STRN: variants seen among roughly 807,000 people sequenced by gnomAD.
STRN encodes protein phosphatase 2 regulatory subunit B'''alpha.
Under a neutral mutation model 96.3 loss-of-function variants are expected in STRN, and 53 were observed. The ratio of observed to expected loss-of-function variants is 0.55; its 90% confidence interval spans 0.44 to 0.69. The LOEUF (loss-of-function observed/expected upper bound fraction) is 0.69. Ranked by LOEUF, STRN falls within the 30% of genes least tolerant of loss-of-function variation. The pLI, the probability that STRN is intolerant of heterozygous loss-of-function variation, is 0.00. For synonymous variants in STRN, 428 were observed against 355.9 expected (o/e 1.20, Z -2.28); for missense variants, 987 against 963.9 (o/e 1.02, Z -0.32).
At position 36,900,423 on chromosome 2, in the gene STRN, T is replaced by C. The variant is rs144761684; in HGVS notation, c.660-765A>G. 3.9e-5 allele frequency among the ~76,000 whole-genome samples: 6 copies of C among 152,330 alleles called. No homozygotes were observed. In the East Asian group the frequency reaches 1.2e-3, roughly 29 times the overall value. On this transcript the variant is annotated intron_variant, in intron 5 of 17. Coordinates refer to ENST00000263918, the MANE Select transcript of STRN (RefSeq NM_003162.4). ...TTTCTCTGATGCAATCTTGTATTTC[T>C]GCTTAACAGCTAAAGTAAAAGAGAA...
At chr2:36,947,845 A>G (rs2148263135) in intron 1 of STRN, among the ~76,000 whole-genome samples, 1 of 151,838 alleles carries the variant, frequency 6.6e-6, no homozygotes, top group Middle Eastern at 3.4e-3. Context: ...ACTGATCCCA[A>G]GACAGTAAGT....
Position 36,966,256 on chromosome 2 carries a change from A to G in STRN, c.208T>C (p.Trp70Arg). Residue 70 changes from tryptophan to arginine, a missense_variant, in exon 1 of 18, where the codon TGG becomes CGG. Transcript: ENST00000263918. Reference protein sequence around the residue: ...WARFEVERAQWEVERAELQAQ... With the variant: ...WARFEVERAQREVERAELQAQ... ...TGCAGCTCCGCCCGCTCCACCTCCC[A>G]CTGGGCTCTCTCCACCTCGAAGCGG... is the stretch of plus-strand genomic sequence containing the variant. 6.3e-7 allele frequency: 1 copy of G among 1,585,496 alleles called. No individual in the cohort carries two copies. Among genetic ancestry groups the G allele is most frequent in the Non-Finnish European group, 8.6e-7 (1 of 1,167,940 alleles).
intron 1 of STRN, among the ~76,000 whole-genome samples, chr2:36,927,900 T>G (rs1354565695): frequency 6.6e-6 from 1 of 152,172 alleles, no homozygotes; most frequent in Non-Finnish European, 1.5e-5. Flanking sequence ...TTTGCACATA[T>G]GTGAAATTAT....
intron 3 of STRN, among the ~76,000 whole-genome samples, chr2:36,911,301 C>T (rs1190094804): frequency 6.6e-6 from 1 of 152,184 alleles, no homozygotes; most frequent in African/African-American, 2.4e-5. Flanking sequence ...ATGATAGATG[C>T]AAACTGATTG....
intron 1 of STRN, among the ~76,000 whole-genome samples, chr2:36,941,619 G>A (rs756840027): frequency 1.9e-4 from 28 of 150,818 alleles, no homozygotes; most frequent in Non-Finnish European, 3.7e-4. Context: ...GCATGATCTC[G>A]GCTCACTGCA....
At chr2:36,912,298 G>C (rs1195639851) in intron 3 of STRN, among the ~76,000 whole-genome samples, 1 of 152,138 alleles carries the variant, frequency 6.6e-6, no homozygotes, top group Non-Finnish European at 1.5e-5. Context: ...TGTCCTTCCA[G>C]CTATTGCCCT....
chr2:36,937,939 G>A (rs200883540), intron 1 of STRN, among the ~76,000 whole-genome samples: 1 of 152,002 alleles, frequency 6.6e-6, no homozygotes, highest in African/African-American at 2.4e-5. Flanking sequence ...GGGAAAAAAG[G>A]CAAAGAAACA....
intron 4 of STRN, among the ~76,000 whole-genome samples, chr2:36,903,667 A>G (rs1414699535): frequency 6.6e-6 from 1 of 152,246 alleles, no homozygotes; most frequent in Non-Finnish European, 1.5e-5. Flanking sequence ...CAGTTTATTA[A>G]CAAGATTTGG....
At chr2:36,900,885 T>C (rs1443219436) in intron 5 of STRN, among the ~76,000 whole-genome samples, 1 of 151,844 alleles carries the variant, frequency 6.6e-6, no homozygotes, top group African/African-American at 2.4e-5. Flanking sequence ...AGAGTGAGAC[T>C]CTGTCTCTAA....
Position 36,848,456 on chromosome 2 carries a change from A to G in STRN, c.*1000T>C, listed in dbSNP as rs185188270. 2 of 152,318 alleles carry G rather than the reference A, an allele frequency of 1.3e-5. No homozygotes were observed. Among genetic ancestry groups the G allele is most frequent in the East Asian group, 3.9e-4 (2 of 5,188 alleles). 9.4% of individuals were successfully genotyped at this position (152,318 alleles called of 1,614,324 possible). A position where few individuals can be genotyped will look rare whatever the true frequency, so the allele number is the denominator to read the frequency against. ...GATGTCAGATAACTTGAACGTGACA[A>G]AGAAGAAAGAGCACAGATCATCTGA... On this transcript the variant is annotated 3_prime_UTR_variant, in exon 18 of 18. Transcript: ENST00000263918.
rs190588029 is a variant in STRN, at chr2:36,935,817, T to A, written c.235-10609A>T. Among the ~76,000 whole-genome samples the A allele has an allele frequency of 2.6e-5, 4 of 152,328 alleles. No homozygotes were observed. The South Asian group carries it at 8.3e-4, about 32-fold the overall frequency. ...AAATGGAAAAAAACAGGCAAGAACA[T>A]ACGAAGTAGAAGTATAAACAATAAT... is the stretch of plus-strand genomic sequence containing the variant. On this transcript the variant is annotated intron_variant, in intron 1 of 17. Transcript: ENST00000263918.
intron 1 of STRN, among the ~76,000 whole-genome samples, chr2:36,926,330 A>G (rs1359016130): frequency 6.6e-6 from 1 of 152,214 alleles, no homozygotes; most frequent in Non-Finnish European, 1.5e-5. Context: ...AATACCTCTT[A>G]AAAGTCATAA....
At chr2:36,959,244 G>C (rs770347117) in intron 1 of STRN, among the ~76,000 whole-genome samples, 1 of 152,130 alleles carries the variant, frequency 6.6e-6, no homozygotes. Context: ...AAATCTTTAT[G>C]CCTGTTATCT....
intron 3 of STRN, among the ~76,000 whole-genome samples, chr2:36,912,014 A>C (rs73924930): frequency 6.6e-6 from 1 of 152,064 alleles, no homozygotes; most frequent in Admixed American, 6.5e-5. Flanking sequence ...ACTTGTGGAC[A>C]TTTCCTCAAA....
intron 10 of STRN, among the ~76,000 whole-genome samples, chr2:36,872,378 T>C (rs193067917): frequency 6.6e-6 from 1 of 152,266 alleles, no homozygotes; most frequent in African/African-American, 2.4e-5. Context: ...CAGGAAGAGC[T>C]TGAAAGCAGA....
intron 1 of STRN, among the ~76,000 whole-genome samples, chr2:36,942,236 T>C (rs1670863539): frequency 6.6e-6 from 1 of 152,138 alleles, no homozygotes. Context: ...ATAATCATAA[T>C]GTATCAAAAA....
intron 2 of STRN, 86 bp from the exon 3 acceptor site, chr2:36,916,237 G>C: frequency 8.6e-7 from 1 of 1,156,660 alleles, no homozygotes; most frequent in Non-Finnish European, 1.3e-6. Flanking sequence ...GAATTCAGTA[G>C]TCCTGGCTGA....
At chr2:36,903,693 C>T (rs1669747322) in intron 4 of STRN, among the ~76,000 whole-genome samples, 1 of 152,160 alleles carries the variant, frequency 6.6e-6, no homozygotes, top group Non-Finnish European at 1.5e-5. Context: ...GTTATTATAG[C>T]TGAAAGAGTT....
intron 6 of STRN, 71 bp from the exon 7 acceptor site, chr2:36,894,104 T>C (rs1238974237): frequency 6.6e-7 from 1 of 1,516,684 alleles, no homozygotes; most frequent in Admixed American, 2.1e-5. Context: ...AAAATTCAAT[T>C]ATTTTCTTCA....
Sources: gnomAD v4.1 joint callset for allele counts (sites outside exome capture counted in the v4.1 genomes callset) on GRCh38, gnomAD v4.1.1 for gene constraint, MANE v1.5 for transcripts, NCBI Gene and HGNC (gene_info 2026-07-23, HGNC 2026-07-21) for gene names.